Variants in CNTN5 observed in about 807,000 individuals in gnomAD.
The protein encoded by CNTN5 is contactin-5.
Under a neutral mutation model 129.1 loss-of-function variants are expected in CNTN5, and 77 were observed. That is an observed-to-expected ratio of 0.60 (90% CI 0.50 to 0.72). CNTN5 has a LOEUF of 0.72. Among genes scored for constraint, CNTN5 ranks in the 30% least tolerant of loss-of-function variants. The pLI is 0.00. For synonymous variants in CNTN5, 509 were observed against 465.6 expected, an observed-to-expected ratio of 1.09 and a Z score of -1.20; for missense variants, 1,478 against 1,328.8, an observed-to-expected ratio of 1.11 and a Z score of -1.75.
At chr11:100,008,578 C>G (rs542617425) in intron 9 of CNTN5, among the ~76,000 whole-genome samples, 1 of 152,148 alleles carries the variant, frequency 6.6e-6, no homozygotes, top group African/African-American at 2.4e-5. Context: ...AAAGAAATTG[C>G]ATTATATCTT....
intron 1 of CNTN5, among the ~76,000 whole-genome samples, chr11:99,270,084 G>A (rs998745308): frequency 2.3e-4 from 35 of 151,666 alleles, no homozygotes; most frequent in Non-Finnish European, 2.5e-4. Context: ...TTTGTATCCT[G>A]TGCTCATTTT....
intron 1 of CNTN5, among the ~76,000 whole-genome samples, chr11:99,097,984 C>A (rs776792275): frequency 6.6e-6 from 1 of 151,364 alleles, no homozygotes; most frequent in Non-Finnish European, 1.5e-5. Context: ...AATTTCTGAG[C>A]GAAAAAAAAC....
rs118034661 is a variant in CNTN5 at position 100,354,928 on chromosome 11, A to C, written c.3200-1189A>C. Among the ~76,000 whole-genome samples the C allele has an allele frequency of 1.1e-4, 16 of 151,812 alleles. No individual in the cohort carries two copies. In the East Asian group the frequency reaches 2.7e-3, roughly 26 times the overall value. Reference sequence around the variant, plus strand: ...ACAGGAACAGAGCTTGCAGGGCTGGAAGTTCTGGGTGAGTCACTGAGTGAT... The same window carrying C: ...ACAGGAACAGAGCTTGCAGGGCTGGCAGTTCTGGGTGAGTCACTGAGTGAT... On this transcript the variant is annotated intron_variant, in intron 24 of 24. Coordinates refer to ENST00000524871, the MANE Select transcript of CNTN5 (RefSeq NM_014361.4).
chr11:99,936,527 A>C (rs1950319342), intron 7 of CNTN5, among the ~76,000 whole-genome samples: 1 of 152,128 alleles, frequency 6.6e-6, no homozygotes, highest in African/African-American at 2.4e-5. Flanking sequence ...GAAGAAATCC[A>C]GACTATCCTA....
rs192902564 is a variant in CNTN5, at chr11:100,098,348, T to A, written c.1580+24054T>A. ...AGGTTTAAATATCTATATTTACCCC[T>A]GACTTTAGTACATAACAAAATATGA... On this transcript the variant is annotated intron_variant, in intron 13 of 24. Transcript: ENST00000524871. Among the ~76,000 whole-genome samples, 195 of 152,236 alleles carry A rather than the reference T, an allele frequency of 1.3e-3. 2 individuals carry two copies. The highest frequency in any genetic ancestry group is 5.2e-3 in the East Asian group (27 of 5,166).
At chr11:100,229,314 A>G (rs554530498) in intron 16 of CNTN5, among the ~76,000 whole-genome samples, 1 of 152,350 alleles carries the variant, frequency 6.6e-6, no homozygotes, top group African/African-American at 2.4e-5. Flanking sequence ...AAAGCCTTCT[A>G]TCATCATAAG....
rs150480277 is a variant in CNTN5 at position 100,338,858 on chromosome 11, C to T, written c.2731-1605C>T. Among the ~76,000 whole-genome samples, 28 of 152,128 alleles carry T rather than the reference C, an allele frequency of 1.8e-4. No homozygotes were observed. In the South Asian group the frequency reaches 3.9e-3, roughly 21 times the overall value. On this transcript the variant is annotated intron_variant, in intron 21 of 24. Transcript: ENST00000524871. ...AGTGCTCTCTTAGCTCTGCTGTCCC[C>T]GGACAGCTGTGTGTTAGCAGCTCAG...
intron 7 of CNTN5, 45 bp downstream of exon 7, chr11:99,916,194 G>T (rs1334663916): frequency 2.0e-6 from 3 of 1,464,906 alleles, no homozygotes; most frequent in South Asian, 1.2e-5. Context: ...GCTCTCTTTT[G>T]CTATGTGTTC....
intron 2 of CNTN5, among the ~76,000 whole-genome samples, chr11:99,413,244 A>G (rs1942480775): frequency 6.6e-6 from 1 of 152,214 alleles, no homozygotes; most frequent in African/African-American, 2.4e-5. Context: ...AGAACAGGCA[A>G]TAAACACAAA....
At chr11:99,926,251 A>C (rs1280464537) in intron 7 of CNTN5, among the ~76,000 whole-genome samples, 2 of 152,140 alleles carry the variant, frequency 1.3e-5, no homozygotes, top group African/African-American at 2.4e-5. Flanking sequence ...AGTTGACATC[A>C]AGCTGACAAG....
At chr11:99,949,988 T>C (rs1278299596) in intron 7 of CNTN5, among the ~76,000 whole-genome samples, 1 of 152,342 alleles carries the variant, frequency 6.6e-6, no homozygotes, top group Middle Eastern at 3.4e-3. Context: ...TCTGCTTCTT[T>C]TGACTTTAGG....
At chr11:99,624,305 G>A (rs639654) in intron 3 of CNTN5, among the ~76,000 whole-genome samples, 1 of 151,622 alleles carries the variant, frequency 6.6e-6, no homozygotes, top group African/African-American at 2.4e-5. Flanking sequence ...ATAAAAGTAC[G>A]GCCTGTATTA....
intron 2 of CNTN5, among the ~76,000 whole-genome samples, chr11:99,526,983 A>C (rs1947511430): frequency 2.0e-5 from 3 of 152,220 alleles, no homozygotes; most frequent in Admixed American, 2.0e-4. Context: ...GTAATGAAGC[A>C]TGTGGATGAA....
chr11:99,416,199 C>T (rs1237482545), intron 2 of CNTN5, among the ~76,000 whole-genome samples: 2 of 152,128 alleles, frequency 1.3e-5, no homozygotes, highest in Non-Finnish European at 2.9e-5. Flanking sequence ...AGCCTAATTA[C>T]CAGCATACTG....
At chr11:99,619,501 T>C (rs936496272) in intron 3 of CNTN5, among the ~76,000 whole-genome samples, 15 of 152,096 alleles carry the variant, frequency 9.9e-5, no homozygotes, top group Admixed American at 2.0e-4. Context: ...TCACCATCTA[T>C]CTCCAGAAAT....
intron 4 of CNTN5, among the ~76,000 whole-genome samples, chr11:99,836,196 A>G (rs1947298296): frequency 6.7e-6 from 1 of 148,742 alleles, no homozygotes; most frequent in Admixed American, 6.7e-5. Context: ...CGCAACGTGC[A>G]GGTTTGTTAC....
intron 2 of CNTN5, among the ~76,000 whole-genome samples, chr11:99,424,213 TATA>T (rs1176626085): frequency 6.6e-6 from 1 of 152,212 alleles, no homozygotes; most frequent in African/African-American, 2.4e-5. Context: ...CATTATTAAG[TATA>T]ATAAGGATTA....
intron 3 of CNTN5, among the ~76,000 whole-genome samples, chr11:99,765,904 A>T (rs376089800): frequency 1.3e-5 from 2 of 151,976 alleles, no homozygotes; most frequent in African/African-American, 2.4e-5. Context: ...AAATAATACA[A>T]TCACATAATA....
chr11:99,614,610 G>A (rs75399387), intron 3 of CNTN5, among the ~76,000 whole-genome samples: 1,645 of 152,308 alleles, frequency 0.011, 35 homozygotes, highest in African/African-American at 0.036. Flanking sequence ...AGTATCCACT[G>A]TGCATCTCCC....
Sources: allele counts gnomAD v4.1 joint callset (sites outside exome capture counted in the v4.1 genomes callset), GRCh38; gene constraint gnomAD v4.1.1; transcripts MANE v1.5; gene names NCBI Gene and HGNC (gene_info 2026-07-23, HGNC 2026-07-21).